KHDC1: variants seen among roughly 807,000 people sequenced by gnomAD.
KHDC1 encodes KH domain containing 1.
Under a neutral mutation model 24.7 loss-of-function variants are expected in KHDC1, and 21 were observed. The observed-to-expected ratio is 0.85, with a 90% confidence interval of 0.60 to 1.23. The LOEUF is 1.23. Among genes scored for constraint, KHDC1 ranks in the 50% most tolerant of loss-of-function variants. The probability of loss-of-function intolerance (pLI) is 0.00; values close to 1 mark genes in which losing one functional copy is unlikely to be tolerated. For missense variants in KHDC1, 274 were observed against 298.5 expected (o/e 0.92, Z 0.61); for synonymous variants, 98 against 111.7 (o/e 0.88, Z 0.77).
At position 73,282,199 on chromosome 6, in the gene KHDC1, CAG is replaced by C. The variant is rs796440308; in HGVS notation, c.206+9797_206+9798del. On this transcript the variant is annotated intron_variant, in intron 2 of 4. Transcript: ENST00000370384. ...CACCACTGCACTCCAGCCCAAGTGA[CAG>C]AGTGAGACTCTGTCTAAAAAAAAAA... Among the ~76,000 whole-genome samples, 197 of 121,298 alleles carry C rather than the reference CAG, an allele frequency of 1.6e-3. 4 individuals carry two copies. Among genetic ancestry groups the C allele is most frequent in the African/African-American group, 5.5e-3 (183 of 32,978 alleles). The allele number at this position is 121,298 out of a possible 152,430, so 79.6% of individuals were successfully genotyped here.
chr6:73,286,819 A>G (rs4708044), intron 2 of KHDC1, among the ~76,000 whole-genome samples: 23,583 of 151,052 alleles, frequency 0.16, 2,210 homozygotes, highest in African/African-American at 0.27. Flanking sequence ...AGAGGCAGAG[A>G]TTGCAGTGAG....
intron 2 of KHDC1, among the ~76,000 whole-genome samples, chr6:73,267,731 T>C (rs1201107868): frequency 6.6e-6 from 1 of 152,216 alleles, no homozygotes; most frequent in Non-Finnish European, 1.5e-5. Flanking sequence ...CCAGTATTTA[T>C]AATAGCATTA....
intron 2 of KHDC1, among the ~76,000 whole-genome samples, chr6:73,243,688 T>C (rs754250468): frequency 6.6e-6 from 1 of 152,210 alleles, no homozygotes; most frequent in Non-Finnish European, 1.5e-5. Context: ...CCCAACTCTA[T>C]CTGAATCTGT....
At chr6:73,275,800 A>C (rs1767280028) in intron 2 of KHDC1, 1 of 152,714 alleles carries the variant, frequency 6.5e-6, no homozygotes, top group Non-Finnish European at 1.5e-5. Flanking sequence ...GTGTTCCAGA[A>C]GGAGTTCAAG....
chr6:73,244,208 G>C (rs942975803), intron 2 of KHDC1, among the ~76,000 whole-genome samples: 7 of 152,270 alleles, frequency 4.6e-5, no homozygotes, highest in African/African-American at 1.2e-4. Context: ...ATAATGATCA[G>C]GTGACCTGAT....
At chr6:73,283,430 TTA>T (rs1294547988) in intron 2 of KHDC1, among the ~76,000 whole-genome samples, 4 of 152,030 alleles carry the variant, frequency 2.6e-5, no homozygotes, top group Non-Finnish European at 5.9e-5. Flanking sequence ...AGGTGTTTTG[TTA>T]TATAGAGACA....
intron 2 of KHDC1, among the ~76,000 whole-genome samples, chr6:73,258,615 C>A (rs1766924845): frequency 6.6e-6 from 1 of 152,118 alleles, no homozygotes; most frequent in African/African-American, 2.4e-5. Context: ...TTTGACCATT[C>A]CACAAGATTA....
intron 2 of KHDC1, among the ~76,000 whole-genome samples, chr6:73,249,100 A>G (rs1032614925): frequency 6.6e-6 from 1 of 152,078 alleles, no homozygotes; most frequent in Non-Finnish European, 1.5e-5. Context: ...TTAACCCTTG[A>G]GTGAAATAAA....
chr6:73,262,952 G>A (rs1471366766), intron 2 of KHDC1: 1 of 991,666 alleles, frequency 1.0e-6, no homozygotes, highest in East Asian at 1.1e-4. Context: ...AGACCACAGG[G>A]GGGTCAGGTA....
At chr6:73,253,564 TA>T (rs1766823158) in intron 2 of KHDC1, among the ~76,000 whole-genome samples, 1 of 149,894 alleles carries the variant, frequency 6.7e-6, no homozygotes, top group Admixed American at 6.7e-5. Context: ...AAAAAAAAAA[TA>T]AATAAATAAT....
exon 3 of KHDC1, chr6:73,242,431 T>C (rs1191872150): frequency 9.3e-6 from 15 of 1,614,088 alleles, no homozygotes; most frequent in South Asian, 8.8e-5. Flanking sequence ...CCTGGTCCTC[T>C]TCCATGTGAA....
At chr6:73,299,385 A>C (rs1767820979) in intron 1 of KHDC1, 1 of 152,270 alleles carries the variant, frequency 6.6e-6, no homozygotes, top group South Asian at 2.1e-4. Context: ...TTCCGTGAGC[A>C]GCTTTGTTGG....
intron 1 of KHDC1, chr6:73,300,258 C>A (rs1190277405): frequency 6.6e-6 from 1 of 152,530 alleles, no homozygotes; most frequent in Non-Finnish European, 1.5e-5. Flanking sequence ...TCTCTCCTTC[C>A]TTCTCCTTGT....
intron 2 of KHDC1, among the ~76,000 whole-genome samples, chr6:73,266,926 C>T (rs1183081164): frequency 6.6e-6 from 1 of 152,220 alleles, no homozygotes; most frequent in East Asian, 1.9e-4. Flanking sequence ...CATTGGCACA[C>T]ACTTATAGTC....
At chr6:73,258,545 C>T (rs1582558823) in intron 2 of KHDC1, among the ~76,000 whole-genome samples, 1 of 152,300 alleles carries the variant, frequency 6.6e-6, no homozygotes, top group East Asian at 1.9e-4. Context: ...AGTGTTAGCC[C>T]AGTTAAAGTG....
rs374182575 is a variant in KHDC1 at position 73,276,465 on chromosome 6, C to G, written c.206+15533G>C. 16 of 149,486 alleles carry G rather than the reference C, an allele frequency of 1.1e-4. 1 individual carries two copies. The highest frequency in any genetic ancestry group is 3.7e-4 in the African/African-American group (15 of 40,596). 9.3% of individuals were successfully genotyped at this position (149,486 alleles called of 1,614,324 possible). A position where few individuals can be genotyped will look rare whatever the true frequency, so the allele number is the denominator to read the frequency against. On this transcript the variant is annotated intron_variant, in intron 2 of 4. Transcript: ENST00000370384. ...TCATGCCACTTCACTCCAACCTGGG[C>G]GAAAGAGCAAAACTTCATCTCAAAA...
intron 1 of KHDC1, among the ~76,000 whole-genome samples, chr6:73,298,797 G>A (rs1253852472): frequency 6.6e-6 from 1 of 151,924 alleles, no homozygotes; most frequent in Non-Finnish European, 1.5e-5. Context: ...GAATGCAGTG[G>A]TACAATCATA....
rs78659859 is a variant in KHDC1, at chr6:73,292,746, G to A, written c.164-706C>T. ...GCAGTCATAGCAAACAAGGATGTTC[G>A]AAAACGTTGGCAGGTGCTAAAAGAT... On this transcript the variant is annotated intron_variant, in intron 1 of 4. Transcript: ENST00000370384. 5.1e-3 allele frequency: 3,749 copies of A among 733,292 alleles called. 69 individuals are homozygous for A. The African/African-American group carries it at 0.053, about 10-fold the overall frequency. The allele number at this position is 733,292 out of a possible 1,614,324, so 45.4% of individuals were successfully genotyped here. A position where few individuals can be genotyped will look rare whatever the true frequency, so the allele number is the denominator to read the frequency against.
rs1767001215 is a variant in KHDC1 at position 73,262,640 on chromosome 6, T to G, written c.207-20110A>C. The stretch of plus-strand genomic sequence containing the variant: ...ATAGAGGAAAGTCACACGATCTGTT[T>G]TAATTTTTCTCTTTATACTGCTATC... On this transcript the variant is annotated intron_variant, in intron 2 of 4. Coordinates refer to ENST00000370384, the Ensembl canonical transcript of KHDC1. The G allele has an allele frequency of 4.4e-6, 3 of 678,514 alleles. No individual in the cohort carries two copies. The East Asian group carries it at 4.0e-4, about 92-fold the overall frequency. 42.0% of individuals were successfully genotyped at this position (678,514 alleles called of 1,614,324 possible).
Sources: allele counts gnomAD v4.1 joint callset (sites outside exome capture counted in the v4.1 genomes callset), GRCh38; gene constraint gnomAD v4.1.1; transcripts MANE v1.5; gene names NCBI Gene and HGNC (gene_info 2026-07-23, HGNC 2026-07-21).